DPYD: variants seen among roughly 807,000 people sequenced by gnomAD.
The protein encoded by DPYD is dihydropyrimidine dehydrogenase.
Under a neutral mutation model 116.2 loss-of-function variants are expected in DPYD, and 109 were observed. The observed-to-expected ratio is 0.94, with a 90% confidence interval of 0.80 to 1.10. The LOEUF is 1.10. DPYD is among the 50% of genes least tolerant of loss of function. DPYD has a pLI of 0.00. For missense variants in DPYD, 1,302 were observed against 1,254.5 expected, an observed-to-expected ratio of 1.04 and a Z score of -0.57; for synonymous variants, 440 against 432.0, an observed-to-expected ratio of 1.02 and a Z score of -0.23.
intron 3 of DPYD, among the ~76,000 whole-genome samples, chr1:97,817,560 C>A (rs1384581953): frequency 2.0e-5 from 3 of 151,702 alleles, no homozygotes; most frequent in African/African-American, 7.3e-5. Flanking sequence ...ACATATATAC[C>A]AAATAATTAG....
At chr1:97,110,426 T>C (rs1401830157) in intron 20 of DPYD, among the ~76,000 whole-genome samples, 1 of 152,100 alleles carries the variant, frequency 6.6e-6, no homozygotes, top group Non-Finnish European at 1.5e-5. Flanking sequence ...ACTCATGGAC[T>C]CCACCTCACG....
chr1:97,826,391 T>G (rs1288543945), intron 3 of DPYD, among the ~76,000 whole-genome samples: 1 of 140,914 alleles, frequency 7.1e-6, no homozygotes, highest in African/African-American at 2.6e-5. Flanking sequence ...TCACATCATT[T>G]TTCATTCACA....
intron 20 of DPYD, among the ~76,000 whole-genome samples, chr1:97,133,498 A>G (rs1431783896): frequency 6.6e-6 from 1 of 152,026 alleles, no homozygotes; most frequent in East Asian, 1.9e-4. Context: ...ATTTTCTTCT[A>G]CATGTACTTT....
At chr1:97,577,275 C>T (rs1653328261) in intron 10 of DPYD, among the ~76,000 whole-genome samples, 1 of 152,144 alleles carries the variant, frequency 6.6e-6, no homozygotes, top group South Asian at 2.1e-4. Flanking sequence ...AGATATTTCC[C>T]TTATACACCT....
At chr1:97,217,345 C>A (rs1660478972) in intron 19 of DPYD, among the ~76,000 whole-genome samples, 1 of 152,170 alleles carries the variant, frequency 6.6e-6, no homozygotes, top group Non-Finnish European at 1.5e-5. Context: ...CATCCTAAAT[C>A]TGGTTTCTGA....
chr1:97,365,902 G>T (rs1671009289), intron 16 of DPYD, among the ~76,000 whole-genome samples: 1 of 152,126 alleles, frequency 6.6e-6, no homozygotes, highest in Non-Finnish European at 1.5e-5. Flanking sequence ...CCAAAGTGCT[G>T]GCATACAGTC....
chr1:97,735,413 A>T (rs907554117), intron 4 of DPYD, among the ~76,000 whole-genome samples: 1 of 151,812 alleles, frequency 6.6e-6, no homozygotes, highest in Non-Finnish European at 1.5e-5. Flanking sequence ...GCGGTGGCTC[A>T]CGCCTGTAAT....
chr1:97,772,631 A>G (rs931297049), intron 3 of DPYD, among the ~76,000 whole-genome samples: 3 of 152,216 alleles, frequency 2.0e-5, no homozygotes, highest in African/African-American at 7.2e-5. Context: ...AAGTAGAATG[A>G]TAACTAGGGA....
At chr1:97,521,930 A>G (rs187956910) in intron 12 of DPYD, among the ~76,000 whole-genome samples, 195 of 152,344 alleles carry the variant, frequency 1.3e-3, no homozygotes, top group African/African-American at 4.0e-3. Flanking sequence ...AAAGACTTAA[A>G]TGTAAGACCT....
At chr1:97,567,516 C>G (rs1164141920) in intron 11 of DPYD, among the ~76,000 whole-genome samples, 1 of 152,034 alleles carries the variant, frequency 6.6e-6, no homozygotes, top group Non-Finnish European at 1.5e-5. Flanking sequence ...CCTTTCCTAA[C>G]AGAAGGGTCG....
chr1:97,832,800 G>C (rs1057031909), intron 2 of DPYD, among the ~76,000 whole-genome samples: 17 of 151,978 alleles, frequency 1.1e-4, no homozygotes, highest in African/African-American at 3.9e-4. Flanking sequence ...TCTGTGTTAA[G>C]GATTCTATAA....
rs555031584 is a variant in DPYD at position 97,322,986 on chromosome 1, C to A, written c.2059-16689G>T. On this transcript the variant is annotated intron_variant, in intron 16 of 22. Transcript: ENST00000370192. The stretch of plus-strand genomic sequence containing the variant: ...TCTTATTTCTCAGCATCTCTTATTC[C>A]ATTTCTACTTCTACTCACTTTCTCC... The A allele has an allele frequency of 3.3e-4, 50 of 151,730 alleles. 1 individual carries two copies. Among genetic ancestry groups the A allele is most frequent in the East Asian group, 1.8e-3 (9 of 5,134 alleles). 9.4% of individuals were successfully genotyped at this position (151,730 alleles called of 1,614,324 possible).
chr1:97,539,401 C>T (rs1650260923), intron 12 of DPYD, among the ~76,000 whole-genome samples: 1 of 152,122 alleles, frequency 6.6e-6, no homozygotes, highest in Non-Finnish European at 1.5e-5. Context: ...AAATGGTGCT[C>T]TATACAAATT....
At chr1:97,290,913 G>A (rs1451546261) in intron 18 of DPYD, among the ~76,000 whole-genome samples, 1 of 151,582 alleles carries the variant, frequency 6.6e-6, no homozygotes, top group Non-Finnish European at 1.5e-5. Context: ...TACAAAATGG[G>A]AGAAAATTTT....
intron 10 of DPYD, among the ~76,000 whole-genome samples, chr1:97,576,791 A>G (rs1653291468): frequency 6.6e-6 from 1 of 152,192 alleles, no homozygotes; most frequent in Non-Finnish European, 1.5e-5. Flanking sequence ...GGATGGCATG[A>G]GCACTGGACC....
intron 18 of DPYD, among the ~76,000 whole-genome samples, chr1:97,287,761 C>T (rs945410566): frequency 4.6e-5 from 7 of 152,190 alleles, no homozygotes; most frequent in African/African-American, 1.4e-4. Context: ...TCCTGGTGCG[C>T]CATTTTTTAA....
At chr1:97,809,669 G>C (rs115539062) in intron 3 of DPYD, among the ~76,000 whole-genome samples, 1 of 152,118 alleles carries the variant, frequency 6.6e-6, no homozygotes, top group Non-Finnish European at 1.5e-5. Flanking sequence ...GGATAGCTGA[G>C]GTACCATGTA....
At chr1:97,679,393 A>T (rs1036583043) in intron 7 of DPYD, among the ~76,000 whole-genome samples, 1 of 152,208 alleles carries the variant, frequency 6.6e-6, no homozygotes, top group Non-Finnish European at 1.5e-5. Flanking sequence ...GGCTAAATGC[A>T]GAAGAAAAGC....
chr1:97,326,968 T>G (rs997254641), intron 16 of DPYD, among the ~76,000 whole-genome samples: 9 of 152,008 alleles, frequency 5.9e-5, no homozygotes, highest in Non-Finnish European at 1.3e-4. Context: ...TATGTAAAGA[T>G]AAAGAGATTA....
Sources: gnomAD v4.1 joint callset for allele counts (sites outside exome capture counted in the v4.1 genomes callset) on GRCh38, gnomAD v4.1.1 for gene constraint, MANE v1.5 for transcripts, NCBI Gene and HGNC (gene_info 2026-07-23, HGNC 2026-07-21) for gene names.